NCAM1: variants seen among roughly 807,000 people sequenced by gnomAD.
NCAM1 encodes the protein antigen recognized by monoclonal antibody 5.1H11.
A neutral mutation model predicts 109.8 loss-of-function variants in NCAM1; 14 were observed. The observed-to-expected ratio is 0.13, with a 90% confidence interval of 0.08 to 0.20. The LOEUF is 0.20. Ranked by LOEUF, NCAM1 falls within the 10% of genes least tolerant of loss-of-function variation. The pLI is 1.00. For missense variants in NCAM1, 774 were observed against 1,109.9 expected (o/e 0.70, Z 4.30); for synonymous variants, 418 against 442.9 (o/e 0.94, Z 0.70).
chr11:113,128,989 T>C (rs1159410025), intron 1 of NCAM1, among the ~76,000 whole-genome samples: 1 of 151,186 alleles, frequency 6.6e-6, no homozygotes, highest in East Asian at 2.0e-4. Context: ...AAATTAATCC[T>C]TGGGGGAGAT....
At chr11:113,246,274 C>T in intron 14 of NCAM1, 94 bp from the exon 15 acceptor site, 1 of 675,074 alleles carries the variant, frequency 1.5e-6, no homozygotes, top group South Asian at 1.6e-5. Context: ...ACCTCCTCCA[C>T]TTTCCTTTCA....
intron 1 of NCAM1, among the ~76,000 whole-genome samples, chr11:112,967,106 C>G (rs1469625961): frequency 6.6e-6 from 1 of 152,178 alleles, no homozygotes; most frequent in Non-Finnish European, 1.5e-5. Context: ...ACTTCGTACT[C>G]TGAGGACTTT....
rs1555126004 is a variant in NCAM1 at position 113,273,746 on chromosome 11, C to T, written c.2457-1521C>T. On this transcript the variant is annotated intron_variant, in intron 19 of 19. Transcript: ENST00000316851. The surrounding 1 kb of genome is among the most constrained non-coding windows in gnomAD (Gnocchi z 6.0). ...CTGTTTCGCCTGCGCCAGCAAAGAC[C>T]GAGTACGGCCTCTCTTTGTCTGCTG... The T allele has an allele frequency of 2.3e-6, 1 of 436,608 alleles. No individual in the cohort carries two copies. Among genetic ancestry groups the T allele is most frequent in the Non-Finnish European group, 4.7e-6 (1 of 214,650 alleles). The allele number at this position is 436,608 out of a possible 1,614,324, so 27.0% of individuals were successfully genotyped here.
chr11:113,266,672 T>C (rs1012308003), intron 17 of NCAM1, among the ~76,000 whole-genome samples: 1 of 152,174 alleles, frequency 6.6e-6, no homozygotes, highest in Non-Finnish European at 1.5e-5. Flanking sequence ...TCTGAATTGT[T>C]AACAAACACC....
At chr11:113,230,189 G>A (rs1366981440) in intron 9 of NCAM1, among the ~76,000 whole-genome samples, 1 of 152,114 alleles carries the variant, frequency 6.6e-6, no homozygotes, top group Admixed American at 6.6e-5. Context: ...AGGCTTTCTA[G>A]TGAAGTGTTC....
At chr11:113,060,630 G>A (rs1041602957) in intron 1 of NCAM1, among the ~76,000 whole-genome samples, 5 of 152,142 alleles carry the variant, frequency 3.3e-5, no homozygotes, top group Non-Finnish European at 4.4e-5. Flanking sequence ...ACAAATTATG[G>A]GAGATTCGGA....
intron 1 of NCAM1, among the ~76,000 whole-genome samples, chr11:113,159,637 T>A (rs1216189147): frequency 6.6e-5 from 10 of 151,572 alleles, no homozygotes; most frequent in African/African-American, 2.4e-4. Context: ...ATGCATTTTA[T>A]TTTTTTTTCC....
intron 1 of NCAM1, among the ~76,000 whole-genome samples, chr11:113,036,784 G>A (rs1378802442): frequency 1.3e-5 from 2 of 152,030 alleles, no homozygotes; most frequent in Non-Finnish European, 2.9e-5. Context: ...GGAAATTGAT[G>A]CCCTACAGAT....
At chr11:113,116,082 G>C (rs1161613565) in intron 1 of NCAM1, among the ~76,000 whole-genome samples, 2 of 152,160 alleles carry the variant, frequency 1.3e-5, no homozygotes, top group Admixed American at 1.3e-4. Flanking sequence ...AATAGATTAT[G>C]CAAAAATTCA....
intron 1 of NCAM1, among the ~76,000 whole-genome samples, chr11:113,025,778 C>CGAGA (rs199893109): frequency 0.034 from 3,975 of 118,566 alleles, 79 homozygotes; most frequent in Middle Eastern, 0.049. Context: ...CACAGGGAGC[C>CGAGA]GAGAGAGAGA....
At chr11:113,007,154 A>G (rs1951912422) in intron 1 of NCAM1, among the ~76,000 whole-genome samples, 1 of 152,138 alleles carries the variant, frequency 6.6e-6, no homozygotes. Flanking sequence ...CTACTTCCAC[A>G]TGAAGGGAGC....
chr11:113,126,748 C>A (rs1031182899), intron 1 of NCAM1, among the ~76,000 whole-genome samples: 1 of 152,190 alleles, frequency 6.6e-6, no homozygotes, highest in Non-Finnish European at 1.5e-5. Flanking sequence ...AAGTCCCCAA[C>A]GCCCACTGCA....
At chr11:113,263,625 A>C (rs562706428) in intron 17 of NCAM1, 10 of 985,450 alleles carry the variant, frequency 1.0e-5, no homozygotes, top group Non-Finnish European at 9.6e-6. Flanking sequence ...GGGCCAAGCC[A>C]TGATGTGCCA....
rs149846320 is a variant in NCAM1 at position 112,970,457 on chromosome 11, G to A, written c.52+8793G>A. Among the ~76,000 whole-genome samples, 407 of 152,262 alleles carry A rather than the reference G, an allele frequency of 2.7e-3. 6 individuals are homozygous for A. The highest frequency in any genetic ancestry group is 9.4e-3 in the African/African-American group (390 of 41,556). On this transcript the variant is annotated intron_variant, in intron 1 of 19. Coordinates refer to ENST00000316851, the MANE Select transcript of NCAM1 (RefSeq NM_181351.5). ...TACTAGGAGAAGGGAGGCTAGTGAA[G>A]TCCAATGAAAGTATCTTGCTTAATC...
rs1311012876 is a variant in NCAM1, at chr11:113,088,703, G to A, written c.53-113676G>A. ...CTTTTATAGGCTACAGGTGTATGTA[G>A]GAAATTTGTCATATTTCTCTCACTC... On this transcript the variant is annotated intron_variant, in intron 1 of 19. Coordinates refer to ENST00000316851, the MANE Select transcript of NCAM1 (RefSeq NM_181351.5). 3.3e-5 allele frequency among the ~76,000 whole-genome samples: 5 copies of A among 152,224 alleles called. No homozygotes were observed. The South Asian group carries it at 8.3e-4, about 25-fold the overall frequency.
In NCAM1 at chr11:113,206,109, C is replaced by T. The variant is rs782329784; in HGVS notation, c.557C>T (p.Thr186Ile). Residue 186 changes from threonine to isoleucine, a missense_variant, in exon 5 of 20, where the codon ACT becomes ATT. Thr to Ile is a moderately conservative substitution (Grantham distance 89, BLOSUM62 -1). This residue lies in a region of NCAM1 where 523 missense variants were observed against 784.2 expected (regional missense o/e 0.67). Transcript: ENST00000316851. ...IRGIKKTDEG[T>I]YRCEGRILAR... ...GGCATCAAGAAAACAGATGAGGGCA[C>T]TTATCGCTGTGAGGGCAGAATCCTG... 6.8e-6 allele frequency: 11 copies of T among 1,613,804 alleles called. No individual in the cohort carries two copies. Among genetic ancestry groups the T allele is most frequent in the Admixed American group, 1.7e-5 (1 of 60,002 alleles).
chr11:113,094,896 A>G (rs539801476), intron 1 of NCAM1, among the ~76,000 whole-genome samples: 18 of 152,348 alleles, frequency 1.2e-4, no homozygotes, highest in Non-Finnish European at 1.8e-4. Flanking sequence ...TTAATATTAA[A>G]TCATATTTAT....
intron 1 of NCAM1, among the ~76,000 whole-genome samples, chr11:113,036,578 C>G (rs562508291): frequency 2.6e-5 from 4 of 152,244 alleles, no homozygotes; most frequent in African/African-American, 9.6e-5. Flanking sequence ...TGTCTACTCC[C>G]AGGTCCCCCA....
chr11:113,082,664 AG>A (rs1338702396), intron 1 of NCAM1, among the ~76,000 whole-genome samples: 1 of 152,240 alleles, frequency 6.6e-6, no homozygotes, highest in Non-Finnish European at 1.5e-5. Flanking sequence ...AAAGGCAAGA[AG>A]GGTCTGGACG....
Sources: gnomAD v4.1 joint callset for allele counts (sites outside exome capture counted in the v4.1 genomes callset) on GRCh38, gnomAD v4.1.1 for gene constraint, gnomAD v4.1.1 regional missense constraint, Gnocchi (gnomAD v3.1) non-coding constraint, MANE v1.5 for transcripts, NCBI Gene and HGNC (gene_info 2026-07-23, HGNC 2026-07-21) for gene names.